Variants in ITSN2 observed in about 807,000 individuals in gnomAD.
ITSN2 encodes the protein intersectin-2.
A neutral mutation model predicts 243.7 loss-of-function variants in ITSN2; 156 were observed. That is an observed-to-expected ratio of 0.64 (90% CI 0.56 to 0.73). The LOEUF is 0.73. Among genes scored for constraint, ITSN2 ranks in the 30% least tolerant of loss-of-function variants. The probability of loss-of-function intolerance (pLI) is 0.00; values close to 1 mark genes in which losing one functional copy is unlikely to be tolerated. For missense variants in ITSN2, 1,801 were observed against 1,996.1 expected, an observed-to-expected ratio of 0.90 and a Z score of 1.86; for synonymous variants, 703 against 699.9, an observed-to-expected ratio of 1.00 and a Z score of -0.07.
intron 13 of ITSN2, 61 bp downstream of exon 13, chr2:24,298,604 C>T (rs771579233): frequency 4.7e-5 from 71 of 1,504,510 alleles, no homozygotes; most frequent in Non-Finnish European, 6.4e-5. Flanking sequence ...CCCACAATTA[C>T]ATTTTTCAAC....
chr2:24,271,272 G>T (rs1677309008), intron 19 of ITSN2, among the ~76,000 whole-genome samples: 1 of 152,084 alleles, frequency 6.6e-6, no homozygotes, highest in Non-Finnish European at 1.5e-5. Flanking sequence ...AATTTGATAA[G>T]AATAAAATTG....
At chr2:24,301,623 T>G (rs561450298) in intron 10 of ITSN2, among the ~76,000 whole-genome samples, 29 of 151,664 alleles carry the variant, frequency 1.9e-4, no homozygotes, top group African/African-American at 7.0e-4. Context: ...ACTTCTATGC[T>G]CCAGTGATCC....
rs189236874 is a variant in ITSN2 at position 24,252,253 on chromosome 2, T to G, written c.3120+92A>C. ...ATGATCTCTAAGTATAAATCTTGAT[T>G]AACAAGAATGGGTTGATTTTATTTT... On this transcript the variant is annotated intron_variant, in intron 25 of 39. Transcript: ENST00000355123. The G allele has an allele frequency of 1.3e-3, 1,244 of 951,082 alleles. 20 individuals are homozygous for G. Among genetic ancestry groups the G allele is most frequent in the Non-Finnish European group, 2.7e-4 (173 of 630,088 alleles). 58.9% of individuals were successfully genotyped at this position (951,082 alleles called of 1,614,324 possible).
intron 20 of ITSN2, 31 bp from the exon 21 acceptor site, chr2:24,261,773 C>T: frequency 6.6e-7 from 1 of 1,504,198 alleles, no homozygotes; most frequent in Non-Finnish European, 9.1e-7. Context: ...ATTAACAGTG[C>T]TTAGAAATTC....
chr2:24,324,601 G>A (rs1479665317), intron 2 of ITSN2, among the ~76,000 whole-genome samples: 1 of 151,980 alleles, frequency 6.6e-6, no homozygotes, highest in Non-Finnish European at 1.5e-5. Flanking sequence ...GCACAGCCCA[G>A]CACTTCAGAA....
chr2:24,209,281 A>G (rs1669241440), intron 35 of ITSN2, 60 bp from the exon 36 acceptor site: 4 of 1,600,308 alleles, frequency 2.5e-6, no homozygotes, highest in Non-Finnish European at 3.4e-6. Flanking sequence ...CCACCCGCCT[A>G]TGTCCAGAGA....
At chr2:24,282,359 C>T (rs1368263419) in intron 17 of ITSN2, among the ~76,000 whole-genome samples, 1 of 152,232 alleles carries the variant, frequency 6.6e-6, no homozygotes, top group African/African-American at 2.4e-5. Flanking sequence ...TGCGGCCCGA[C>T]TCCAGGGTAA....
rs148637980 is a variant in ITSN2 at position 24,275,745 on chromosome 2, C to T, written c.2049G>A (p.Met683Ile). The T allele has an allele frequency of 4.3e-5, 70 of 1,611,632 alleles. No homozygotes were observed. The African/African-American group carries it at 9.2e-4, about 21-fold the overall frequency. Residue 683 changes from methionine (M) to isoleucine (I), a missense_variant, in exon 18 of 40, where the codon ATG (methionine) becomes ATA (isoleucine). Physicochemically the swap from Met to Ile is conservative, Grantham distance 10 (BLOSUM62 1). Transcript: ENST00000355123. ...CCTCATCTTCTAGTTTCTTTTTCTGCATTAGTTCTAATCTTTTCCTTTCAA... is the reference window on the plus strand; with the variant it reads ...CCTCATCTTCTAGTTTCTTTTTCTGTATTAGTTCTAATCTTTTCCTTTCAA... ...KEIERKRLEL[M>I]QKKKLEDEAA... is the part of the protein sequence containing the mutation.
chr2:24,217,083 CAAA>C lies in ITSN2; in HGVS notation c.3806+821_3806+823del, dbSNP rs67968149. 1.2e-4 allele frequency among the ~76,000 whole-genome samples: 17 copies of C among 140,184 alleles called. 1 individual carries two copies. Among genetic ancestry groups the C allele is most frequent in the Admixed American group, 2.1e-4 (3 of 14,198 alleles). 92.0% of individuals were successfully genotyped at this position (140,184 alleles called of 152,430 possible). ...TGGGTGAGAGAGCGAGACTCCGTCT[CAAA>C]AAAAAAAAAAAAATTAGCCAGGTGT... On this transcript the variant is annotated intron_variant, in intron 31 of 39. Coordinates refer to ENST00000355123, the MANE Select transcript of ITSN2 (RefSeq NM_006277.3).
Position 24,204,572 on chromosome 2 carries a change from C to G in ITSN2, c.4763-154G>C, listed in dbSNP as rs1296893875. The G allele has an allele frequency of 1.4e-6, 1 of 724,722 alleles. No homozygotes were observed. Among genetic ancestry groups the G allele is most frequent in the South Asian group, 1.5e-5 (1 of 68,436 alleles). 44.9% of individuals were successfully genotyped at this position (724,722 alleles called of 1,614,324 possible). A position where few individuals can be genotyped will look rare whatever the true frequency, so the allele number is the denominator to read the frequency against. The stretch of plus-strand genomic sequence containing the variant: ...GCCTGGGGCACCATATCCCTGTGGT[C>G]TAGTAACAGGGTCTCCAAGTTCCCA... On this transcript the variant is annotated intron_variant, in intron 38 of 39. Transcript: ENST00000355123. The surrounding 1 kb of genome is among the most constrained non-coding windows in gnomAD (Gnocchi z 5.1).
chr2:24,248,890 G>A lies in ITSN2; in HGVS notation c.3121-8C>T, dbSNP rs934480276. 2.2e-5 allele frequency: 35 copies of A among 1,612,732 alleles called. No individual in the cohort carries two copies. Among genetic ancestry groups the A allele is most frequent in the Non-Finnish European group, 2.7e-5 (32 of 1,178,894 alleles). On this transcript the variant is annotated splice_region_variant and splice_polypyrimidine_tract_variant and intron_variant, in intron 25 of 39. Coordinates refer to ENST00000355123, the MANE Select transcript of ITSN2 (RefSeq NM_006277.3). ...GCTAGCACTCCCAAAACTCTACAAG[G>A]AAAAGATACCGTGTTGTTTTATTAT...
intron 1 of ITSN2, among the ~76,000 whole-genome samples, chr2:24,344,703 G>A (rs1244908674): frequency 6.6e-6 from 1 of 152,214 alleles, no homozygotes; most frequent in Non-Finnish European, 1.5e-5. Flanking sequence ...TGTAATCCCA[G>A]CACTTTGGGA....
At position 24,359,502 on chromosome 2, in the gene ITSN2, C is replaced by G. The variant is rs186838324; in HGVS notation, c.-34+802G>C. Reference sequence around the variant, plus strand: ...ACAAGTTTCAAATAAAGCACACTTGCCATTGGTAATTCTAGAGCGACAAGG... The same window carrying G: ...ACAAGTTTCAAATAAAGCACACTTGGCATTGGTAATTCTAGAGCGACAAGG... On this transcript the variant is annotated intron_variant, in intron 1 of 39. Transcript: ENST00000355123. 1.8e-4 allele frequency among the ~76,000 whole-genome samples: 27 copies of G among 152,320 alleles called. No individual in the cohort carries two copies. In the East Asian group the frequency reaches 5.0e-3, roughly 28 times the overall value.
At chr2:24,352,033 T>C (rs1688065725) in intron 1 of ITSN2, among the ~76,000 whole-genome samples, 1 of 152,216 alleles carries the variant, frequency 6.6e-6, no homozygotes, top group Admixed American at 6.5e-5. Context: ...GTTATAATTG[T>C]TCAATTTTAT....
In ITSN2 at chr2:24,293,581, T is replaced by C. The variant is rs1335268009; in HGVS notation, c.1723+107A>G. ...AAACTTTAAACTTACAGGCAAAAAG[T>C]GTTATTTATAACAGAATACTTTTTT... On this transcript the variant is annotated intron_variant, in intron 15 of 39. Transcript: ENST00000355123. 1.0e-5 allele frequency: 5 copies of C among 479,632 alleles called. No homozygotes were observed. In the South Asian group the frequency reaches 1.1e-4, roughly 10 times the overall value. 29.7% of individuals were successfully genotyped at this position (479,632 alleles called of 1,614,324 possible). A position where few individuals can be genotyped will look rare whatever the true frequency, so the allele number is the denominator to read the frequency against.
chr2:24,223,437 G>C, intron 29 of ITSN2, among the ~76,000 whole-genome samples: 1 of 152,016 alleles, frequency 6.6e-6, no homozygotes, highest in East Asian at 1.9e-4. Flanking sequence ...CCAGCACTGT[G>C]GGAGGCTGAG....
At chr2:24,284,255 C>G (rs1679187750) in intron 17 of ITSN2, among the ~76,000 whole-genome samples, 2 of 152,086 alleles carry the variant, frequency 1.3e-5, no homozygotes, top group Admixed American at 6.5e-5. Flanking sequence ...AAATATGAGC[C>G]TGGTAACTAG....
At chr2:24,296,828 C>G (rs1452038949) in intron 13 of ITSN2, among the ~76,000 whole-genome samples, 1 of 152,204 alleles carries the variant, frequency 6.6e-6, no homozygotes, top group Non-Finnish European at 1.5e-5. Context: ...TTACTGAAGA[C>G]TGTTTCATAT....
chr2:24,272,731 A>G (rs114078083), intron 18 of ITSN2, among the ~76,000 whole-genome samples: 2,669 of 152,228 alleles, frequency 0.018, 104 homozygotes, highest in African/African-American at 0.061. Context: ...CACTGCGCCC[A>G]GTCTACTTTT....
Sources: allele counts gnomAD v4.1 joint callset (sites outside exome capture counted in the v4.1 genomes callset), GRCh38; gene constraint gnomAD v4.1.1; non-coding constraint Gnocchi (gnomAD v3.1); transcripts MANE v1.5; gene names NCBI Gene and HGNC (gene_info 2026-07-23, HGNC 2026-07-21).